Variants in ERC1 observed in about 807,000 individuals in gnomAD.
ERC1 encodes RAB6 interacting protein 2.
In ERC1, 56 loss-of-function variants were observed where a neutral mutation model predicts 132.0. The observed-to-expected ratio is 0.42, with a 90% CI of 0.34 to 0.53. The LOEUF (loss-of-function observed/expected upper bound fraction) is 0.53, where lower values mean the gene tolerates loss of function less well. Ranked by LOEUF, ERC1 falls within the 20% of genes least tolerant of loss-of-function variation. The pLI is 0.03. For missense variants in ERC1, 1,202 were observed against 1,349.9 expected (o/e 0.89, Z 1.72); for synonymous variants, 478 against 476.1 (o/e 1.00, Z -0.05).
intron 8 of ERC1, among the ~76,000 whole-genome samples, chr12:1,162,574 TC>T (rs1302708766): frequency 1.3e-5 from 2 of 152,052 alleles, no homozygotes; most frequent in Non-Finnish European, 2.9e-5. Flanking sequence ...CTTTGTATGT[TC>T]CGTTTGTTTT....
intron 15 of ERC1, among the ~76,000 whole-genome samples, chr12:1,338,989 T>C (rs2083552616): frequency 6.6e-6 from 1 of 152,224 alleles, no homozygotes; most frequent in South Asian, 2.1e-4. Context: ...CCAAAGTGCT[T>C]CATAGTGTGG....
chr12:1,129,583 A>G (rs1351103358), intron 7 of ERC1, among the ~76,000 whole-genome samples: 2 of 152,186 alleles, frequency 1.3e-5, no homozygotes, highest in South Asian at 2.1e-4. Flanking sequence ...AGGATTAACA[A>G]TTAGGCCAAC....
chr12:1,017,865 T>C (rs907736197), intron 1 of ERC1, among the ~76,000 whole-genome samples: 4 of 152,160 alleles, frequency 2.6e-5, no homozygotes, highest in African/African-American at 9.7e-5. Flanking sequence ...TGGTACATCT[T>C]TAGCTTGGTA....
intron 17 of ERC1, among the ~76,000 whole-genome samples, chr12:1,422,929 T>C (rs1412280204): frequency 6.6e-6 from 1 of 152,248 alleles, no homozygotes; most frequent in Non-Finnish European, 1.5e-5. Flanking sequence ...TCTCATGGTT[T>C]GCATTTGCAT....
intron 12 of ERC1, among the ~76,000 whole-genome samples, chr12:1,230,289 G>A (rs890760032): frequency 7.9e-5 from 12 of 152,070 alleles, no homozygotes; most frequent in Admixed American, 2.0e-4. Context: ...GTGAGCCACC[G>A]CGCTTGGCCT....
rs547970149 is a variant in ERC1, at chr12:1,448,313, G to GC, written c.3213+3563_3213+3564insC. On this transcript the variant is annotated intron_variant, in intron 18 of 18. Coordinates refer to ENST00000360905, the MANE Select transcript of ERC1 (RefSeq NM_178040.4). ...ACAGTCCCTGCGAAACGAGAGACCT[G>GC]GGTCATCTACAGAGGAATACAGTAA... 1.1e-3 allele frequency among the ~76,000 whole-genome samples: 175 copies of GC among 152,292 alleles called. 1 individual carries two copies. The highest frequency in any genetic ancestry group is 4.0e-3 in the African/African-American group (165 of 41,548).
chr12:1,016,765 C>G (rs909374011), intron 1 of ERC1, among the ~76,000 whole-genome samples: 1 of 151,232 alleles, frequency 6.6e-6, no homozygotes, highest in African/African-American at 2.4e-5. Flanking sequence ...ATTCTCCTGC[C>G]TCAGCCTCCC....
intron 1 of ERC1, among the ~76,000 whole-genome samples, chr12:1,020,009 C>T (rs1966102567): frequency 6.6e-6 from 1 of 152,026 alleles, no homozygotes; most frequent in Non-Finnish European, 1.5e-5. Context: ...CCTGCCTTGT[C>T]TCCCAAAGTG....
chr12:1,176,799 T>C (rs1204057825), intron 8 of ERC1, among the ~76,000 whole-genome samples: 1 of 152,186 alleles, frequency 6.6e-6, no homozygotes, highest in African/African-American at 2.4e-5. Context: ...GCTATGAAAG[T>C]ACTAGATGGC....
intron 16 of ERC1, among the ~76,000 whole-genome samples, chr12:1,375,623 C>T (rs1336350342): frequency 2.0e-5 from 3 of 152,108 alleles, no homozygotes; most frequent in Non-Finnish European, 2.9e-5. Flanking sequence ...GCTTAGAGTC[C>T]CCCCTTCCAT....
At chr12:1,092,120 TC>T (rs1402055729) in intron 3 of ERC1, among the ~76,000 whole-genome samples, 1 of 151,772 alleles carries the variant, frequency 6.6e-6, no homozygotes. Flanking sequence ...TGCTTCAGCC[TC>T]CCGAGTAGCT....
chr12:1,386,308 A>G (rs2089339809), intron 16 of ERC1, among the ~76,000 whole-genome samples: 2 of 150,522 alleles, frequency 1.3e-5, no homozygotes, highest in Admixed American at 1.3e-4. Context: ...AAGTGTTGGG[A>G]TTACAGGCGC....
Position 1,121,741 on chromosome 12 carries a change from A to ATCTCTATCTATC in ERC1, c.1569+5711_1569+5712insCTATCTATCTCT, listed in dbSNP as rs66902622. Among the ~76,000 whole-genome samples the ATCTCTATCTATC allele has an allele frequency of 3.8e-4, 2 of 5,198 alleles. 1 individual carries two copies. Among genetic ancestry groups the ATCTCTATCTATC allele is most frequent in the African/African-American group, 7.0e-4 (2 of 2,854 alleles). The allele number at this position is 5,198 out of a possible 152,430, so 3.4% of individuals were successfully genotyped here. Reference sequence around the variant, plus strand: ...TATCTCTATCTCTATCTCTATCTCTATCTATCTCTATCTCTATCTCTATCT... The same window carrying ATCTCTATCTATC: ...TATCTCTATCTCTATCTCTATCTCTATCTCTATCTATCTCTATCTCTATCTCTATCTCTATCT... On this transcript the variant is annotated intron_variant, in intron 7 of 18. Coordinates refer to ENST00000360905, the MANE Select transcript of ERC1 (RefSeq NM_178040.4).
intron 16 of ERC1, among the ~76,000 whole-genome samples, chr12:1,373,524 G>C (rs1374394534): frequency 6.6e-6 from 1 of 152,228 alleles, no homozygotes; most frequent in East Asian, 1.9e-4. Flanking sequence ...GCTCACGCCT[G>C]TAATCCCAGC....
intron 3 of ERC1, among the ~76,000 whole-genome samples, chr12:1,091,997 A>G (rs1484444001): frequency 9.1e-6 from 1 of 109,484 alleles, no homozygotes; most frequent in Admixed American, 1.1e-4. Flanking sequence ...GCATTTAATC[A>G]ATTCTTTTTT....
chr12:1,223,038 C>T (rs148271856), intron 12 of ERC1, among the ~76,000 whole-genome samples: 175 of 152,280 alleles, frequency 1.1e-3, no homozygotes, highest in African/African-American at 3.9e-3. Context: ...TTCCTTTTTA[C>T]GCATTTGTTC....
chr12:1,464,139 C>T (rs1363652948), intron 18 of ERC1, among the ~76,000 whole-genome samples: 1 of 152,118 alleles, frequency 6.6e-6, no homozygotes, highest in East Asian at 1.9e-4. Context: ...AATTCACTCC[C>T]GATGGATGTG....
chr12:1,028,077 T>C lies in ERC1; in HGVS notation c.174T>C (p.Asn58=), dbSNP rs1377367837. Residue 58 remains asparagine, a synonymous_variant, in exon 2 of 19, where the codon AAT becomes AAC. Transcript: ENST00000360905. ...GTGGGAAAACCCTTTCAATGGAAAA[T>C]ATACAATCTTTAAATGCTGCCTATG... ...GGSGKTLSME[N]IQSLNAAYAT... The C allele has an allele frequency of 1.2e-6, 2 of 1,614,002 alleles. No individual in the cohort carries two copies. Among genetic ancestry groups the C allele is most frequent in the South Asian group, 1.1e-5 (1 of 91,066 alleles).
intron 15 of ERC1, among the ~76,000 whole-genome samples, chr12:1,338,531 T>C (rs2083500177): frequency 6.6e-6 from 1 of 152,214 alleles, no homozygotes; most frequent in South Asian, 2.1e-4. Flanking sequence ...GCCTTCTGTT[T>C]CTGTCATTTC....
Sources: gnomAD v4.1 joint callset for allele counts (sites outside exome capture counted in the v4.1 genomes callset) on GRCh38, gnomAD v4.1.1 for gene constraint, MANE v1.5 for transcripts, NCBI Gene and HGNC (gene_info 2026-07-23, HGNC 2026-07-21) for gene names.